The following MPPE1 variants were observed in gnomAD, a reference collection of about 807,000 sequenced individuals.
The protein encoded by MPPE1 is metallophosphoesterase 1, also known as metallo phosphoesterase.
Under a neutral mutation model 43.8 loss-of-function variants are expected in MPPE1, and 28 were observed. The ratio of observed to expected loss-of-function variants is 0.64; its 90% CI spans 0.47 to 0.88. The LOEUF is 0.88. Ranked by LOEUF, MPPE1 falls within the 40% of genes least tolerant of loss-of-function variation. MPPE1 has a pLI of 0.00. For synonymous variants in MPPE1, 159 were observed against 188.5 expected (o/e 0.84, Z 1.28); for missense variants, 428 against 492.2 (o/e 0.87, Z 1.23).
In MPPE1 at chr18:11,889,340, C is replaced by T. The variant is rs377264191; in HGVS notation, c.494+47G>A. ...CTGAATTCCAACAGATTTAGAATTA[C>T]AGTTAACAAGAGCTCTCAGGGTGCA... On this transcript the variant is annotated intron_variant, in intron 5 of 10. Coordinates refer to ENST00000588072, the MANE Select transcript of MPPE1 (RefSeq NM_023075.6). 9 of 1,197,530 alleles carry T rather than the reference C, an allele frequency of 7.5e-6. No individual in the cohort carries two copies. The East Asian group carries it at 9.6e-5, about 13-fold the overall frequency. 74.2% of individuals were successfully genotyped at this position (1,197,530 alleles called of 1,614,324 possible).
chr18:11,894,731 C>T (rs1208508251), intron 3 of MPPE1, among the ~76,000 whole-genome samples: 2 of 152,086 alleles, frequency 1.3e-5, no homozygotes, highest in Admixed American at 6.6e-5. Flanking sequence ...GCTGGGATTA[C>T]AGGCATGTGC....
chr18:11,884,651 T>G, intron 10 of MPPE1, 24 bp from the exon 11 acceptor site: 1 of 1,608,906 alleles, frequency 6.2e-7, no homozygotes, highest in South Asian at 1.1e-5. Context: ...GGGAAAGTTA[T>G]GCTGAGAGCA....
intron 2 of MPPE1, among the ~76,000 whole-genome samples, chr18:11,900,173 C>T (rs1434091716): frequency 6.6e-6 from 1 of 152,110 alleles, no homozygotes; most frequent in Non-Finnish European, 1.5e-5. Context: ...CTGGCAAAAC[C>T]CCATCTCTAC....
chr18:11,889,648 C>T (rs759557736), intron 4 of MPPE1, among the ~76,000 whole-genome samples, 158 bp from the exon 5 acceptor site: 1 of 152,002 alleles, frequency 6.6e-6, no homozygotes, highest in Non-Finnish European at 1.5e-5. Context: ...CTGCAACCTC[C>T]ATCTCCCACA....
chr18:11,903,791 G>A (rs956303255), intron 2 of MPPE1, among the ~76,000 whole-genome samples: 3 of 152,128 alleles, frequency 2.0e-5, no homozygotes, highest in Admixed American at 2.0e-4. Context: ...GGGGGACAGA[G>A]CGAGACTCCG....
At chr18:11,893,318 C>T (rs6650615) in intron 4 of MPPE1, 150 bp downstream of exon 4, 45,167 of 585,626 alleles carry the variant, frequency 0.077, 2,129 homozygotes, top group African/African-American at 0.13. Flanking sequence ...TTCTAATCAT[C>T]TTCCAAATAG....
At chr18:11,885,496 G>C (rs2037070755) in intron 10 of MPPE1, 180 bp downstream of exon 10, 1 of 693,946 alleles carries the variant, frequency 1.4e-6, no homozygotes, top group African/African-American at 1.8e-5. Flanking sequence ...GGAATGTCAT[G>C]CTGATTGGTT....
chr18:11,890,154 G>A (rs932995497), intron 4 of MPPE1, among the ~76,000 whole-genome samples: 3 of 151,436 alleles, frequency 2.0e-5, no homozygotes, highest in African/African-American at 4.9e-5. Context: ...GTGTTAGCCA[G>A]GATGGTCGCG....
chr18:11,903,029 C>T (rs1178139557), intron 2 of MPPE1, among the ~76,000 whole-genome samples: 1 of 152,126 alleles, frequency 6.6e-6, no homozygotes, highest in East Asian at 1.9e-4. Flanking sequence ...GGAGTTCTGG[C>T]GCTTCCCTCA....
At position 11,888,691 on chromosome 18, in the gene MPPE1, G is replaced by C; in HGVS notation, c.547C>G (p.Leu183Val). 1 of 1,601,238 alleles carries C rather than the reference G, an allele frequency of 6.2e-7. No homozygotes were observed. Among genetic ancestry groups the C allele is most frequent in the Non-Finnish European group, 8.5e-7 (1 of 1,174,866 alleles). ...RFEKVFSSER[L>V]FSWKGINFVM... is the part of the protein sequence containing the mutation. Reference sequence around the variant, plus strand: ...CACTTAATGCCTTTCCAAGAAAACAGTCTTTCAGAGCTGAACACTTTCTCA... The same window carrying C: ...CACTTAATGCCTTTCCAAGAAAACACTCTTTCAGAGCTGAACACTTTCTCA... Residue 183 changes from leucine to valine, a missense_variant, in exon 6 of 11, where the codon CTG (leucine) becomes GTG (valine). Transcript: ENST00000588072.
At chr18:11,893,705 T>G in intron 3 of MPPE1, 129 bp from the exon 4 acceptor site, 1 of 703,480 alleles carries the variant, frequency 1.4e-6, no homozygotes, top group Non-Finnish European at 2.4e-6. Flanking sequence ...CACTCTTGCA[T>G]TCCCATCCCT....
chr18:11,899,138 C>A (rs912743081), intron 2 of MPPE1, among the ~76,000 whole-genome samples: 1 of 152,072 alleles, frequency 6.6e-6, no homozygotes, highest in Admixed American at 6.6e-5. Context: ...TAGTCTTGAA[C>A]TCCTGAGCTC....
rs1438493872 is a variant in MPPE1, at chr18:11,897,418, TC to T, written c.-92-63del. Reference sequence around the variant, plus strand: ...AATAATACAGGTATCACGACCTCCCTCTATTAAGAACTAATGAGTTACATAA... The same window carrying T: ...AATAATACAGGTATCACGACCTCCCTTATTAAGAACTAATGAGTTACATAA... On this transcript the variant is annotated intron_variant, in intron 2 of 10. Transcript: ENST00000588072. The T allele has an allele frequency of 4.5e-6, 3 of 665,632 alleles. No individual in the cohort carries two copies. The African/African-American group carries it at 5.5e-5, about 12-fold the overall frequency. The allele number at this position is 665,632 out of a possible 1,614,324, so 41.2% of individuals were successfully genotyped here.
intron 2 of MPPE1, among the ~76,000 whole-genome samples, chr18:11,900,674 A>G (rs180966766): frequency 1.5e-3 from 229 of 152,144 alleles, no homozygotes; most frequent in African/African-American, 2.6e-3. Context: ...TTGGGAGGCC[A>G]AGGTGGGCAG....
chr18:11,887,112 TC>T, intron 6 of MPPE1, 87 bp from the exon 7 acceptor site: 1 of 951,230 alleles, frequency 1.1e-6, no homozygotes, highest in Non-Finnish European at 1.6e-6. Context: ...AAGCTAAGCA[TC>T]CAGTGCAAAG....
Position 11,897,102 on chromosome 18 carries a change from T to C in MPPE1, c.163A>G (p.Lys55Glu). 2 of 1,508,468 alleles carry C rather than the reference T, an allele frequency of 1.3e-6. No individual in the cohort carries two copies. The highest frequency in any genetic ancestry group is 2.3e-5 in the East Asian group (1 of 43,936). The allele number at this position is 1,508,468 out of a possible 1,614,324, so 93.4% of individuals were successfully genotyped here. The change falls in exon 3 of 11, where the codon AAA becomes GAA. Residue 55 changes from lysine (K) to glutamate (E), a missense_variant. Physicochemically the swap from Lys to Glu is moderately conservative, Grantham distance 56 (BLOSUM62 1). Transcript: ENST00000588072. ...AIFQCNWPEV[K>E]TTASDGEQTT... The stretch of plus-strand genomic sequence containing the variant: ...TGTTCACCATCAGAGGCTGTGGTTT[T>C]CACTTCAGGCCAATTACACTGAAAG...
chr18:11,893,134 C>A (rs750636746), intron 4 of MPPE1: 3 of 230,526 alleles, frequency 1.3e-5, no homozygotes, highest in Non-Finnish European at 1.7e-5. Flanking sequence ...TCGGTGACAA[C>A]TGAAATAACA....
At chr18:11,899,269 T>C (rs2144618387) in intron 2 of MPPE1, among the ~76,000 whole-genome samples, 1 of 152,288 alleles carries the variant, frequency 6.6e-6, no homozygotes. Flanking sequence ...TGGTTTTGTC[T>C]GTGCAGTGGG....
intron 2 of MPPE1, chr18:11,905,454 C>T (rs2039625880): frequency 6.6e-6 from 1 of 152,226 alleles, no homozygotes; most frequent in South Asian, 2.1e-4. Flanking sequence ...GCCCTCTTTT[C>T]CTACCTGAAA....
Sources: gnomAD v4.1 joint callset for allele counts (sites outside exome capture counted in the v4.1 genomes callset) on GRCh38, gnomAD v4.1.1 for gene constraint, MANE v1.5 for transcripts, NCBI Gene and HGNC (gene_info 2026-07-23, HGNC 2026-07-21) for gene names.